TRPC7: variants seen among roughly 807,000 people sequenced by gnomAD.
TRPC7 encodes short transient receptor potential channel 7.
A neutral mutation model predicts 90.1 loss-of-function variants in TRPC7; 42 were observed. The ratio of observed to expected loss-of-function variants is 0.47; its 90% CI spans 0.36 to 0.60. The LOEUF (loss-of-function observed/expected upper bound fraction) is 0.60. Among genes scored for constraint, TRPC7 ranks in the 20% least tolerant of loss-of-function variants. The pLI, the probability that TRPC7 is intolerant of heterozygous loss-of-function variation, is 0.00. For missense variants in TRPC7, 955 were observed against 1,112.3 expected (o/e 0.86, Z 2.01); for synonymous variants, 451 against 436.3 (o/e 1.03, Z -0.42).
intron 5 of TRPC7, among the ~76,000 whole-genome samples, chr5:136,253,586 A>G (rs1487249778): frequency 5.3e-5 from 8 of 152,106 alleles, no homozygotes. Flanking sequence ...ATTGTAACTG[A>G]TTGGGGGTAT....
intron 2 of TRPC7, among the ~76,000 whole-genome samples, chr5:136,327,547 T>A (rs1360149189): frequency 6.6e-6 from 1 of 152,102 alleles, no homozygotes; most frequent in Non-Finnish European, 1.5e-5. Flanking sequence ...TTCCATAGCA[T>A]GAAATAGGAG....
chr5:136,336,290 G>A (rs980752107), intron 2 of TRPC7, among the ~76,000 whole-genome samples: 2 of 152,096 alleles, frequency 1.3e-5, no homozygotes, highest in Admixed American at 1.3e-4. Context: ...TGAGGACAGG[G>A]TCTGGAGCTC....
intron 2 of TRPC7, among the ~76,000 whole-genome samples, chr5:136,325,528 T>G (rs917328677): frequency 6.6e-6 from 1 of 152,214 alleles, no homozygotes; most frequent in African/African-American, 2.4e-5. Context: ...GTAGATACGC[T>G]GATCATTGTC....
chr5:136,270,740 T>TGG (rs1466615401), intron 4 of TRPC7, among the ~76,000 whole-genome samples: 1 of 152,322 alleles, frequency 6.6e-6, no homozygotes, highest in East Asian at 1.9e-4. Flanking sequence ...GGGCTCAGCC[T>TGG]GGGCTAAGTC....
At chr5:136,289,802 C>G (rs1455269479) in intron 3 of TRPC7, among the ~76,000 whole-genome samples, 1 of 152,230 alleles carries the variant, frequency 6.6e-6, no homozygotes, top group Non-Finnish European at 1.5e-5. Flanking sequence ...TAGTGGTTCT[C>G]CCAGCACGCA....
In TRPC7 at chr5:136,319,857, T is replaced by G. The variant is rs1431148749; in HGVS notation, c.781-4078A>C. On this transcript the variant is annotated intron_variant, in intron 2 of 11. Coordinates refer to ENST00000513104, the MANE Select transcript of TRPC7 (RefSeq NM_020389.3). ...TTTTGCATTCTTTGTTAATTCATTT[T>G]CATCTCCCTTACAATTTAATTTTTG... Among the ~76,000 whole-genome samples the G allele has an allele frequency of 2.0e-5, 3 of 151,928 alleles. No individual in the cohort carries two copies. The East Asian group carries it at 5.8e-4, about 29-fold the overall frequency.
intron 2 of TRPC7, among the ~76,000 whole-genome samples, chr5:136,327,359 G>A (rs1160472728): frequency 1.3e-5 from 2 of 152,208 alleles, no homozygotes; most frequent in Non-Finnish European, 2.9e-5. Context: ...CAAGGGGGAT[G>A]CCCACCCCAT....
chr5:136,315,051 T>C (rs2149838895), intron 3 of TRPC7, among the ~76,000 whole-genome samples: 1 of 152,292 alleles, frequency 6.6e-6, no homozygotes, highest in Admixed American at 6.5e-5. Flanking sequence ...GTGGCATGAG[T>C]TTACTTTTGG....
intron 1 of TRPC7, among the ~76,000 whole-genome samples, chr5:136,358,066 C>T (rs1374425467): frequency 3.3e-5 from 5 of 152,190 alleles, no homozygotes; most frequent in Middle Eastern, 3.2e-3. Flanking sequence ...ACATTCTGTG[C>T]TGTTCTTTAT....
At chr5:136,307,210 A>G (rs764417169) in intron 3 of TRPC7, among the ~76,000 whole-genome samples, 3 of 152,182 alleles carry the variant, frequency 2.0e-5, no homozygotes, top group Non-Finnish European at 4.4e-5. Flanking sequence ...TATAGTTACC[A>G]TGTTGTGCAA....
At chr5:136,345,247 G>A (rs1464853398) in intron 2 of TRPC7, among the ~76,000 whole-genome samples, 3 of 152,070 alleles carry the variant, frequency 2.0e-5, no homozygotes, top group Non-Finnish European at 4.4e-5. Flanking sequence ...GGAGGATTAG[G>A]AGAAACACCA....
At chr5:136,263,161 C>T (rs1252187983) in intron 5 of TRPC7, among the ~76,000 whole-genome samples, 2 of 152,278 alleles carry the variant, frequency 1.3e-5, no homozygotes, top group South Asian at 2.1e-4. Flanking sequence ...GGGAGATATT[C>T]GAGCTCTGAT....
At chr5:136,323,852 A>G (rs1400016870) in intron 2 of TRPC7, among the ~76,000 whole-genome samples, 1 of 152,136 alleles carries the variant, frequency 6.6e-6, no homozygotes, top group Non-Finnish European at 1.5e-5. Context: ...GCTTGTTCAT[A>G]TCTACAAGAA....
At chr5:136,215,014 C>T (rs2149791224) in intron 11 of TRPC7, among the ~76,000 whole-genome samples, 1 of 152,228 alleles carries the variant, frequency 6.6e-6, no homozygotes, top group Non-Finnish European at 1.5e-5. Context: ...ACCCTTGGTG[C>T]AGTTTTCCAA....
chr5:136,336,667 G>A (rs771677281), intron 2 of TRPC7, among the ~76,000 whole-genome samples: 48 of 151,728 alleles, frequency 3.2e-4, no homozygotes, highest in African/African-American at 1.0e-3. Context: ...CCTTTCCCCC[G>A]ATCCCAGGAC....
rs756635489 is a variant in TRPC7 at position 136,247,840 on chromosome 5, T to C, written c.1580-105A>G. On this transcript the variant is annotated intron_variant, in intron 6 of 11. Coordinates refer to ENST00000513104, the MANE Select transcript of TRPC7 (RefSeq NM_020389.3). This position sits in a 1 kb window ranked among gnomAD's most constrained non-coding sequence, Gnocchi z 4.2. Reference sequence around the variant, plus strand: ...TCTCCAACTGCATCATTTGCCATTCTTGTCCTTGTCCTTAAATTAATCCCA... The same window carrying C: ...TCTCCAACTGCATCATTTGCCATTCCTGTCCTTGTCCTTAAATTAATCCCA... 4 of 1,375,030 alleles carry C rather than the reference T, an allele frequency of 2.9e-6. No homozygotes were observed. Among genetic ancestry groups the C allele is most frequent in the Non-Finnish European group, 3.9e-6 (4 of 1,015,906 alleles). The allele number at this position is 1,375,030 out of a possible 1,614,324, so 85.2% of individuals were successfully genotyped here. A position where few individuals can be genotyped will look rare whatever the true frequency, so the allele number is the denominator to read the frequency against.
At chr5:136,251,096 A>G (rs1263742061) in intron 6 of TRPC7, among the ~76,000 whole-genome samples, 4 of 152,254 alleles carry the variant, frequency 2.6e-5, no homozygotes, top group Admixed American at 6.5e-5. Flanking sequence ...AACATATGTT[A>G]TAACTATTAT....
At chr5:136,305,923 G>A (rs1176455613) in intron 3 of TRPC7, among the ~76,000 whole-genome samples, 1 of 152,178 alleles carries the variant, frequency 6.6e-6, no homozygotes, top group Non-Finnish European at 1.5e-5. Flanking sequence ...AGTCAGACCT[G>A]TCCTTGGAAT....
chr5:136,217,475 G>A lies in TRPC7; in HGVS notation c.2344-1200C>T, dbSNP rs181738174. 4.4e-4 allele frequency among the ~76,000 whole-genome samples: 67 copies of A among 152,262 alleles called. 1 individual carries two copies. The highest frequency in any genetic ancestry group is 4.6e-4 in the Admixed American group (7 of 15,302). Reference sequence around the variant, plus strand: ...TCACCTGAACCCGAAAGGCTCTCTAGGATAACACTGGGTTTAGCTCATTCA... The same window carrying A: ...TCACCTGAACCCGAAAGGCTCTCTAAGATAACACTGGGTTTAGCTCATTCA... On this transcript the variant is annotated intron_variant, in intron 10 of 11. Coordinates refer to ENST00000513104, the MANE Select transcript of TRPC7 (RefSeq NM_020389.3).
Sources: allele counts gnomAD v4.1 joint callset (sites outside exome capture counted in the v4.1 genomes callset), GRCh38; gene constraint gnomAD v4.1.1; non-coding constraint Gnocchi (gnomAD v3.1); transcripts MANE v1.5; gene names NCBI Gene and HGNC (gene_info 2026-07-23, HGNC 2026-07-21).